The following LMNB2 variants were observed in gnomAD, a reference collection of about 807,000 sequenced individuals.
LMNB2 encodes the protein lamin B2, also known as lamin-B2.
A neutral mutation model predicts 69.3 loss-of-function variants in LMNB2; 17 were observed. The ratio of observed to expected loss-of-function variants is 0.25; its 90% CI spans 0.17 to 0.37. The LOEUF is 0.37. Ranked by LOEUF, LMNB2 falls within the 10% of genes least tolerant of loss-of-function variation. The pLI is 1.00. For synonymous variants in LMNB2, 397 were observed against 389.3 expected, an observed-to-expected ratio of 1.02 and a Z score of -0.23; for missense variants, 789 against 883.6, an observed-to-expected ratio of 0.89 and a Z score of 1.36.
At chr19:2,446,931 G>C (rs1971962967) in intron 1 of LMNB2, among the ~76,000 whole-genome samples, 1 of 152,114 alleles carries the variant, frequency 6.6e-6, no homozygotes, top group Admixed American at 6.6e-5. Flanking sequence ...ACAAGGTCAG[G>C]AGATCGAGAC....
chr19:2,431,411 C>G (rs1971737455), intron 11 of LMNB2, 137 bp downstream of exon 11: 1 of 1,112,684 alleles, frequency 9.0e-7, no homozygotes, highest in African/African-American at 1.5e-5. Context: ...ACAGCCAAGG[C>G]TGGCTTCACC....
chr19:2,430,388 A>C lies in LMNB2; in HGVS notation c.*523T>G. On this transcript the variant is annotated 3_prime_UTR_variant, in exon 12 of 12. Transcript: ENST00000325327. Reference sequence around the variant, plus strand: ...GGCCACGCCATCCCCATGCTGGCCCACACCCGCTGCGTGGCTGCCTGAGGA... The same window carrying C: ...GGCCACGCCATCCCCATGCTGGCCCCCACCCGCTGCGTGGCTGCCTGAGGA... The C allele has an allele frequency of 5.2e-6, 1 of 192,818 alleles. No individual in the cohort carries two copies. Among genetic ancestry groups the C allele is most frequent in the Non-Finnish European group, 1.1e-5 (1 of 91,886 alleles). The allele number at this position is 192,818 out of a possible 1,614,324, so 11.9% of individuals were successfully genotyped here. A position where few individuals can be genotyped will look rare whatever the true frequency, so the allele number is the denominator to read the frequency against.
In LMNB2 at chr19:2,434,060, T is replaced by C. The variant is rs1168297824; in HGVS notation, c.1248A>G (p.Arg416=). 32 of 1,599,460 alleles carry C rather than the reference T, an allele frequency of 2.0e-5. No homozygotes were observed. The highest frequency in any genetic ancestry group is 2.5e-5 in the Non-Finnish European group (29 of 1,174,500). ...AGCTGCCGCTGCTGCTCGAGGTGGC[T>C]CGTGAGACGGTGACGCGCGAGGATG... ...PSPSSRVTVS[R]ATSSSSGSLS... is the part of the protein sequence containing the mutation. The change falls in exon 8 of 12, where the codon CGA becomes CGG. Residue 416 remains arginine, a synonymous_variant. Coordinates refer to ENST00000325327, the MANE Select transcript of LMNB2 (RefSeq NM_032737.4).
Position 2,438,482 on chromosome 19 carries a change from C to T in LMNB2, c.451G>A (p.Asp151Asn), listed in dbSNP as rs771370902. ...ELTVAQGRVK[D>N]LESLFHRSEV... Reference sequence around the variant, plus strand: ...CTCCGGTGGAACAGGGACTCCAGGTCCTTCACACGGCCCTGGGCCACCGTA... The same window carrying T: ...CTCCGGTGGAACAGGGACTCCAGGTTCTTCACACGGCCCTGGGCCACCGTA... Residue 151 changes from aspartate (D) to asparagine (N), a missense_variant, in exon 3 of 12, where the codon GAC becomes AAC. Transcript: ENST00000325327. 6.2e-7 allele frequency: 1 copy of T among 1,611,830 alleles called. No individual in the cohort carries two copies. The highest frequency in any genetic ancestry group is 1.1e-5 in the South Asian group (1 of 90,960).
At position 2,438,230 on chromosome 19, in the gene LMNB2, A is replaced by G. The variant is rs1971850872; in HGVS notation, c.617T>C (p.Val206Ala). The change falls in exon 4 of 12, where the codon GTG becomes GCG. Residue 206 changes from valine (V) to alanine (A), a missense_variant. Physicochemically the swap from Val to Ala is moderately conservative, Grantham distance 64 (BLOSUM62 0). This residue lies in a region of LMNB2 where 609 missense variants were observed against 630.9 expected (regional missense o/e 0.97). Transcript: ENST00000325327. ...KQLEKETLMR[V>A]DLENRCQSLQ... Reference sequence around the variant, plus strand: ...GCTCTGGCAGCGGTTCTCCAGGTCCACACGCATCAGCGTCTCCTTCTCCAG... The same window carrying G: ...GCTCTGGCAGCGGTTCTCCAGGTCCGCACGCATCAGCGTCTCCTTCTCCAG... 2 of 1,614,082 alleles carry G rather than the reference A, an allele frequency of 1.2e-6. No individual in the cohort carries two copies. The highest frequency in any genetic ancestry group is 1.7e-6 in the Non-Finnish European group (2 of 1,180,034).
At chr19:2,435,447 A>G (rs1181108872) in intron 4 of LMNB2, among the ~76,000 whole-genome samples, 1 of 152,186 alleles carries the variant, frequency 6.6e-6, no homozygotes, top group African/African-American at 2.4e-5. Context: ...CAGACACAAA[A>G]GGCCACACGG....
rs756666958 is a variant in LMNB2 at position 2,434,291 on chromosome 19, G to A, written c.1202+4C>T. ...GTGCTCCCAAGCCTCCTGGCCTGCC[G>A]CACCTCTCCTCCTCGCCCTCCAGGA... On this transcript the variant is annotated splice_donor_region_variant and intron_variant, in intron 7 of 11. Coordinates refer to ENST00000325327, the MANE Select transcript of LMNB2 (RefSeq NM_032737.4). 16 of 1,611,838 alleles carry A rather than the reference G, an allele frequency of 9.9e-6. No homozygotes were observed. The highest frequency in any genetic ancestry group is 5.0e-5 in the Admixed American group (3 of 59,930).
At chr19:2,448,179 A>G (rs978432289) in intron 1 of LMNB2, among the ~76,000 whole-genome samples, 3 of 152,146 alleles carry the variant, frequency 2.0e-5, no homozygotes, top group African/African-American at 7.2e-5. Flanking sequence ...ACAGACTTCT[A>G]GAAAAACCCA....
chr19:2,441,862 G>C (rs1388064090), intron 2 of LMNB2, among the ~76,000 whole-genome samples: 1 of 152,244 alleles, frequency 6.6e-6, no homozygotes, highest in Non-Finnish European at 1.5e-5. Context: ...CAAAGGCCCA[G>C]GGGTGAGGTG....
At position 2,447,561 on chromosome 19, in the gene LMNB2, G is replaced by A. The variant is rs1471079206; in HGVS notation, c.265-3021C>T. 1.3e-5 allele frequency among the ~76,000 whole-genome samples: 2 copies of A among 152,170 alleles called. No homozygotes were observed. The highest frequency in any genetic ancestry group is 4.8e-5 in the African/African-American group (2 of 41,426). On this transcript the variant is annotated intron_variant, in intron 1 of 11. Coordinates refer to ENST00000325327, the MANE Select transcript of LMNB2 (RefSeq NM_032737.4). This position sits in a 1 kb window ranked among gnomAD's most constrained non-coding sequence, Gnocchi z 4.4. ...GTGAGCTGGGTGAACCTTATGAGGCGGGAATTAACTGCTCCGGCTCTGGCG... is the reference window on the plus strand; with the variant it reads ...GTGAGCTGGGTGAACCTTATGAGGCAGGAATTAACTGCTCCGGCTCTGGCG...
chr19:2,430,901 G>A lies in LMNB2; in HGVS notation c.*10C>T, dbSNP rs1389041300. The A allele has an allele frequency of 1.3e-6, 2 of 1,552,262 alleles. No homozygotes were observed. Among genetic ancestry groups the A allele is most frequent in the African/African-American group, 1.4e-5 (1 of 73,730 alleles). On this transcript the variant is annotated 3_prime_UTR_variant, in exon 12 of 12. Transcript: ENST00000325327. ...GGGTAAAGAAAGGTGTGTGGATGAG[G>A]AGTGTGGGTTCACATCACGTAGCAG...
chr19:2,454,928 T>C lies in LMNB2; in HGVS notation c.264+1742A>G, dbSNP rs553290085. On this transcript the variant is annotated intron_variant, in intron 1 of 11. Coordinates refer to ENST00000325327, the MANE Select transcript of LMNB2 (RefSeq NM_032737.4). ...GGTGGGCAGACTTTCCCGCCTCTTC[T>C]CCTTCAGTCTGCACTGAAGCCTCGG... is the stretch of plus-strand genomic sequence containing the variant. 3.9e-4 allele frequency among the ~76,000 whole-genome samples: 60 copies of C among 152,018 alleles called. 1 individual carries two copies. Among genetic ancestry groups the C allele is most frequent in the Admixed American group, 3.2e-3 (49 of 15,280 alleles).
At chr19:2,452,955 G>T in intron 1 of LMNB2, among the ~76,000 whole-genome samples, 2 of 134,528 alleles carry the variant, frequency 1.5e-5, no homozygotes, top group African/African-American at 3.0e-5. Context: ...CATGGGGGCT[G>T]GGTCATCCTA....
intron 2 of LMNB2, among the ~76,000 whole-genome samples, chr19:2,442,983 A>G (rs965180174): frequency 4.6e-5 from 7 of 152,306 alleles, no homozygotes; most frequent in African/African-American, 1.7e-4. Context: ...CTGACATTTC[A>G]GAGCTCCGTG....
At chr19:2,444,139 C>T (rs1286890830) in intron 2 of LMNB2, among the ~76,000 whole-genome samples, 4 of 152,202 alleles carry the variant, frequency 2.6e-5, no homozygotes. Context: ...ACCAGGAAGC[C>T]CTCTCTGGGG....
intron 2 of LMNB2, among the ~76,000 whole-genome samples, chr19:2,441,023 C>T (rs1305261256): frequency 2.0e-5 from 3 of 152,246 alleles, no homozygotes; most frequent in African/African-American, 4.8e-5. Context: ...GCTGAATTTG[C>T]GCCTTCTGTC....
chr19:2,441,151 C>G (rs1398912480), intron 2 of LMNB2, among the ~76,000 whole-genome samples: 1 of 152,230 alleles, frequency 6.6e-6, no homozygotes, highest in Non-Finnish European at 1.5e-5. Flanking sequence ...AAACAGGTCT[C>G]TCGTGTGAGG....
rs999446003 is a variant in LMNB2, at chr19:2,453,357, G to C, written c.264+3313C>G. Among the ~76,000 whole-genome samples, 20 of 151,736 alleles carry C rather than the reference G, an allele frequency of 1.3e-4. No homozygotes were observed. The highest frequency in any genetic ancestry group is 4.8e-4 in the African/African-American group (20 of 41,266). ...CCCTGCCCCCATCCTGCCAGCCTGA[G>C]CCTGAGGCTGCTCTCTGAACCCCAC... On this transcript the variant is annotated intron_variant, in intron 1 of 11. Coordinates refer to ENST00000325327, the MANE Select transcript of LMNB2 (RefSeq NM_032737.4). This position sits in a 1 kb window ranked among gnomAD's most constrained non-coding sequence, Gnocchi z 4.4.
chr19:2,435,197 C>G, intron 4 of LMNB2, 26 bp from the exon 5 acceptor site: 1 of 1,597,366 alleles, frequency 6.3e-7, no homozygotes, highest in Non-Finnish European at 8.5e-7. Context: ...TCGTGACCCT[C>G]TGGTCCCGCC....
Sources: allele counts gnomAD v4.1 joint callset (sites outside exome capture counted in the v4.1 genomes callset), GRCh38; gene constraint gnomAD v4.1.1; regional missense constraint gnomAD v4.1.1; non-coding constraint Gnocchi (gnomAD v3.1); transcripts MANE v1.5; gene names NCBI Gene and HGNC (gene_info 2026-07-23, HGNC 2026-07-21).